GATM: variants seen among roughly 807,000 people sequenced by gnomAD.
The protein encoded by GATM is glycine amidinotransferase, mitochondrial.
A neutral mutation model predicts 54.2 loss-of-function variants in GATM; 23 were observed. The ratio of observed to expected loss-of-function variants is 0.42; its 90% CI spans 0.31 to 0.60. The LOEUF (loss-of-function observed/expected upper bound fraction) is 0.60. GATM is among the 20% of genes least tolerant of loss of function. The pLI is 0.14. For missense variants in GATM, 401 were observed against 544.9 expected, an observed-to-expected ratio of 0.74 and a Z score of 2.63; for synonymous variants, 168 against 183.1, an observed-to-expected ratio of 0.92 and a Z score of 0.67.
At chr15:45,378,710 C>CT, upstream of GATM, 1 of 382,856 alleles carries the variant, frequency 2.6e-6, no homozygotes, top group Non-Finnish European at 4.7e-6. Flanking sequence ...GATGCTTGCC[C>CT]TTTTTTAGCC....
intron 3 of GATM, among the ~76,000 whole-genome samples, chr15:45,386,154 A>C (rs759901334): frequency 2.0e-5 from 3 of 152,238 alleles, no homozygotes; most frequent in Non-Finnish European, 4.4e-5. Flanking sequence ...GCTTCCTCAC[A>C]ATATTAACTG....
intron 2 of GATM, among the ~76,000 whole-genome samples, chr15:45,372,966 A>G (rs749101200): frequency 2.6e-5 from 4 of 152,232 alleles, no homozygotes; most frequent in Non-Finnish European, 5.9e-5. Flanking sequence ...GCTTTTAATA[A>G]TCTGTTGCAA....
intron 1 of GATM, among the ~76,000 whole-genome samples, chr15:45,401,705 G>T (rs1267899601): frequency 6.6e-6 from 1 of 152,184 alleles, no homozygotes; most frequent in African/African-American, 2.4e-5. Flanking sequence ...TGTTGCCAAA[G>T]AATATTCAAA....
At chr15:45,394,559 T>C (rs986140813) in intron 3 of GATM, among the ~76,000 whole-genome samples, 3 of 152,206 alleles carry the variant, frequency 2.0e-5, no homozygotes, top group African/African-American at 7.2e-5. Flanking sequence ...CAAAACTTCA[T>C]TCCAAAGGCA....
intron 3 of GATM, among the ~76,000 whole-genome samples, chr15:45,386,647 G>A (rs924915624): frequency 1.3e-5 from 2 of 152,106 alleles, no homozygotes; most frequent in Admixed American, 6.6e-5. Context: ...TTGCTATTTC[G>A]CTCCTGTCTG....
chr15:45,378,001 T>G, intron 1 of GATM: 1 of 182,322 alleles, frequency 5.5e-6, no homozygotes, highest in East Asian at 1.4e-4. Context: ...CGCCACCCTT[T>G]TACTAAGAGG....
chr15:45,363,539 G>A, intron 8 of GATM: 1 of 341,540 alleles, frequency 2.9e-6, no homozygotes. Context: ...TGTGATGACA[G>A]GACACTTTTA....
intron 3 of GATM, among the ~76,000 whole-genome samples, chr15:45,388,713 T>C (rs1284394108): frequency 6.6e-6 from 1 of 152,232 alleles, no homozygotes; most frequent in African/African-American, 2.4e-5. Flanking sequence ...GATGTGCCCT[T>C]TTCATCGTAT....
Position 45,378,490 on chromosome 15 carries a change from T to C in GATM, c.-37A>G. The C allele has an allele frequency of 7.4e-7, 1 of 1,358,282 alleles. No homozygotes were observed. The highest frequency in any genetic ancestry group is 9.5e-7 in the Non-Finnish European group (1 of 1,057,708). The allele number at this position is 1,358,282 out of a possible 1,614,324, so 84.1% of individuals were successfully genotyped here. ...GGCTGGTCCACGCGCGGAATGTTCC[T>C]GGCCTCTGGGCCGCGTCGGTCCAAG... On this transcript the variant is annotated 5_prime_UTR_variant, in exon 1 of 9. Transcript: ENST00000396659.
chr15:45,366,254 T>C, intron 5 of GATM, 44 bp from the exon 6 acceptor site: 1 of 1,612,394 alleles, frequency 6.2e-7, no homozygotes, highest in Non-Finnish European at 8.5e-7. Context: ...TATTTGGTTC[T>C]ATGTCTAGAA....
chr15:45,374,083 A>G (rs1358973230), intron 2 of GATM, among the ~76,000 whole-genome samples: 1 of 152,204 alleles, frequency 6.6e-6, no homozygotes, highest in Non-Finnish European at 1.5e-5. Context: ...TTAATCCTTA[A>G]TCCTGTTAGG....
intron 7 of GATM, chr15:45,364,416 C>A: frequency 3.4e-6 from 1 of 293,700 alleles, no homozygotes; most frequent in Non-Finnish European, 6.5e-6. Context: ...CATTTGTAGT[C>A]CCAGCTACTT....
At chr15:45,395,383 G>C (rs1889916902) in intron 3 of GATM, among the ~76,000 whole-genome samples, 3 of 151,984 alleles carry the variant, frequency 2.0e-5, no homozygotes, top group Admixed American at 6.6e-5. Flanking sequence ...CATTCTCCTA[G>C]ATTCAAATAA....
At chr15:45,399,737 G>A (rs1595491842) in intron 1 of GATM, 1 of 152,254 alleles carries the variant, frequency 6.6e-6, no homozygotes. Flanking sequence ...GGAAAATTGA[G>A]TGGAAACCAC....
intron 2 of GATM, among the ~76,000 whole-genome samples, chr15:45,397,998 TG>T (rs2140685113): frequency 1.3e-5 from 2 of 152,336 alleles, no homozygotes; most frequent in South Asian, 4.1e-4. Flanking sequence ...AAAAACAATT[TG>T]TTTTGTTTTT....
intron 2 of GATM, among the ~76,000 whole-genome samples, chr15:45,375,899 G>C (rs1889624099): frequency 6.6e-6 from 1 of 152,176 alleles, no homozygotes. Flanking sequence ...TTGGTGAGAA[G>C]AGTGAGTAGG....
At chr15:45,395,683 C>T (rs1889919296) in intron 3 of GATM, among the ~76,000 whole-genome samples, 1 of 152,006 alleles carries the variant, frequency 6.6e-6, no homozygotes, top group South Asian at 2.1e-4. Context: ...AATACATCTT[C>T]CTGGAGGGAA....
intron 2 of GATM, among the ~76,000 whole-genome samples, chr15:45,398,769 C>A (rs1304839580): frequency 2.0e-5 from 3 of 152,058 alleles, no homozygotes; most frequent in Non-Finnish European, 2.9e-5. Flanking sequence ...TAGGGTTGAA[C>A]ATAACACAAA....
intron 3 of GATM, among the ~76,000 whole-genome samples, chr15:45,390,535 G>C (rs896818832): frequency 1.3e-5 from 2 of 152,188 alleles, no homozygotes; most frequent in African/African-American, 4.8e-5. Context: ...ATTATCATCA[G>C]TTGTGTGGAG....
Sources: allele counts gnomAD v4.1 joint callset (sites outside exome capture counted in the v4.1 genomes callset), GRCh38; gene constraint gnomAD v4.1.1; transcripts MANE v1.5; gene names NCBI Gene and HGNC (gene_info 2026-07-23, HGNC 2026-07-21).